Variants in MGAT4C observed in about 807,000 individuals in gnomAD.
The protein encoded by MGAT4C is alpha-1,3-mannosyl-glycoprotein 4-beta-N-acetylglucosaminyltransferase C.
MGAT4C carries 19 observed loss-of-function variants against 40.1 expected under a neutral mutation model. That is an observed-to-expected ratio of 0.47 (90% confidence interval 0.33 to 0.70). MGAT4C has a LOEUF of 0.70. Ranked by LOEUF, MGAT4C falls within the 30% of genes least tolerant of loss-of-function variation. The pLI, the probability that MGAT4C is intolerant of heterozygous loss-of-function variation, is 0.02. For missense variants in MGAT4C, 491 were observed against 563.2 expected (o/e 0.87, Z 1.30); for synonymous variants, 181 against 187.1 (o/e 0.97, Z 0.27).
chr12:86,042,250 G>A (rs760513880), intron 2 of MGAT4C, among the ~76,000 whole-genome samples: 21 of 152,146 alleles, frequency 1.4e-4, no homozygotes, highest in Non-Finnish European at 2.9e-4. Context: ...ATTGGGTCTT[G>A]CTTCTTTATC....
intron 2 of MGAT4C, among the ~76,000 whole-genome samples, chr12:86,645,414 A>C (rs1963514395): frequency 1.3e-5 from 2 of 151,790 alleles, no homozygotes. Flanking sequence ...AGAATTATAA[A>C]ATTTAAATCA....
At chr12:86,327,226 C>A (rs1223139562) in intron 4 of MGAT4C, among the ~76,000 whole-genome samples, 1 of 152,006 alleles carries the variant, frequency 6.6e-6, no homozygotes, top group Non-Finnish European at 1.5e-5. Flanking sequence ...CTGTGACAAG[C>A]CATATTGAAG....
At chr12:86,290,817 T>C (rs1566262867) in intron 4 of MGAT4C, among the ~76,000 whole-genome samples, 1 of 152,194 alleles carries the variant, frequency 6.6e-6, no homozygotes, top group Non-Finnish European at 1.5e-5. Flanking sequence ...TTTATAGGTC[T>C]AAAAGTGTTT....
rs112473014 is a variant in MGAT4C, at chr12:86,824,081, A to G, written c.-262+14585T>C. On this transcript the variant is annotated intron_variant, in intron 1 of 7. Transcript: ENST00000548651. ...CTGCACCATCCTACCCAGAGCATAA[A>G]TCATCCCTTAGTTCAAGGTACCTAT... is the stretch of plus-strand genomic sequence containing the variant. 2.9e-3 allele frequency among the ~76,000 whole-genome samples: 436 copies of G among 151,428 alleles called. 2 individuals are homozygous for G. Among genetic ancestry groups the G allele is most frequent in the African/African-American group, 8.8e-3 (363 of 41,456 alleles).
chr12:86,677,440 T>G (rs146665260), intron 2 of MGAT4C, among the ~76,000 whole-genome samples: 1 of 152,246 alleles, frequency 6.6e-6, no homozygotes, highest in Non-Finnish European at 1.5e-5. Context: ...AGATTTACTC[T>G]TCTGCTTAGT....
At chr12:86,343,908 G>C (rs1306158168) in intron 3 of MGAT4C, among the ~76,000 whole-genome samples, 1 of 151,802 alleles carries the variant, frequency 6.6e-6, no homozygotes, top group East Asian at 1.9e-4. Context: ...TTACATATGA[G>C]TGCACGCCTG....
At chr12:86,408,399 A>C (rs981835151) in intron 3 of MGAT4C, among the ~76,000 whole-genome samples, 1 of 147,366 alleles carries the variant, frequency 6.8e-6, no homozygotes, top group African/African-American at 2.5e-5. Flanking sequence ...GACGTAAAAT[A>C]AATTTCTTAT....
chr12:86,563,680 A>G (rs1959967320), intron 2 of MGAT4C, among the ~76,000 whole-genome samples: 1 of 152,106 alleles, frequency 6.6e-6, no homozygotes, highest in Non-Finnish European at 1.5e-5. Context: ...TGCTTTGGGG[A>G]TAGGGGAATG....
At chr12:86,130,089 T>C (rs1880954809) in intron 1 of MGAT4C, among the ~76,000 whole-genome samples, 1 of 152,218 alleles carries the variant, frequency 6.6e-6, no homozygotes, top group Admixed American at 6.5e-5. Context: ...TGGAATTATG[T>C]TCCCTGAAAA....
chr12:86,302,371 A>C (rs1443932426), intron 4 of MGAT4C, among the ~76,000 whole-genome samples: 1 of 148,146 alleles, frequency 6.8e-6, no homozygotes, highest in East Asian at 2.0e-4. Context: ...AGGAGACAGA[A>C]TAGGCAGTTG....
At chr12:86,334,567 A>C (rs553740235) in intron 3 of MGAT4C, among the ~76,000 whole-genome samples, 1 of 152,266 alleles carries the variant, frequency 6.6e-6, no homozygotes, top group East Asian at 1.9e-4. Context: ...TTAAGAAATA[A>C]AAGCAAAATG....
In MGAT4C at chr12:85,966,614, G is replaced by A. The variant is rs1037357710; in HGVS notation, c.*12675C>T. On this transcript the variant is annotated 3_prime_UTR_variant, in exon 5 of 5. Coordinates refer to ENST00000611864, the MANE Select transcript of MGAT4C (RefSeq NM_001351288.2). The stretch of plus-strand genomic sequence containing the variant: ...CACATGCACACGTATGTTTATTGCG[G>A]CACTATTCACAATAGCAAAGACTTG... 1 of 152,012 alleles carries A rather than the reference G, an allele frequency of 6.6e-6. No individual in the cohort carries two copies. Among genetic ancestry groups the A allele is most frequent in the Non-Finnish European group, 1.5e-5 (1 of 68,018 alleles). The allele number at this position is 152,012 out of a possible 1,614,324, so 9.4% of individuals were successfully genotyped here.
At chr12:86,596,082 CT>C (rs542113205) in intron 2 of MGAT4C, among the ~76,000 whole-genome samples, 13 of 149,106 alleles carry the variant, frequency 8.7e-5, no homozygotes, top group Admixed American at 2.0e-4. Flanking sequence ...AGTACCAACT[CT>C]TTTTTTTTTA....
chr12:86,660,161 A>T (rs1223497073), intron 2 of MGAT4C, among the ~76,000 whole-genome samples: 4 of 152,130 alleles, frequency 2.6e-5, no homozygotes, highest in Non-Finnish European at 5.9e-5. Flanking sequence ...GACCTTGATG[A>T]TCATTCCAAA....
intron 2 of MGAT4C, among the ~76,000 whole-genome samples, chr12:86,520,096 T>C (rs1234886195): frequency 2.6e-5 from 4 of 152,198 alleles, no homozygotes; most frequent in Non-Finnish European, 5.9e-5. Context: ...GCAGAGTACA[T>C]GTGCAGATTT....
chr12:86,775,428 A>T (rs1354314998), intron 1 of MGAT4C, among the ~76,000 whole-genome samples: 1 of 150,526 alleles, frequency 6.6e-6, no homozygotes, highest in Non-Finnish European at 1.5e-5. Flanking sequence ...TTATAAATAA[A>T]TACATATATA....
At chr12:86,767,681 C>T (rs935048252) in intron 1 of MGAT4C, among the ~76,000 whole-genome samples, 2 of 152,146 alleles carry the variant, frequency 1.3e-5, no homozygotes, top group Admixed American at 1.3e-4. Flanking sequence ...ATCAAGTGGG[C>T]TTCATCCCTG....
At chr12:86,465,524 C>T (rs1957667053) in intron 2 of MGAT4C, among the ~76,000 whole-genome samples, 1 of 151,620 alleles carries the variant, frequency 6.6e-6, no homozygotes, top group Non-Finnish European at 1.5e-5. Flanking sequence ...TCTTAAACCT[C>T]AACAATAAAA....
At chr12:86,723,212 T>C (rs1007385163) in intron 2 of MGAT4C, among the ~76,000 whole-genome samples, 3 of 152,180 alleles carry the variant, frequency 2.0e-5, no homozygotes, top group Non-Finnish European at 4.4e-5. Flanking sequence ...TATAAATAAA[T>C]AATTACAGTG....
Sources: allele counts gnomAD v4.1 joint callset (sites outside exome capture counted in the v4.1 genomes callset), GRCh38; gene constraint gnomAD v4.1.1; transcripts MANE v1.5; gene names NCBI Gene and HGNC (gene_info 2026-07-23, HGNC 2026-07-21).